Variants in MPO observed in about 807,000 individuals in gnomAD.
MPO encodes the protein myeloperoxidase.
Under a neutral mutation model 69.4 loss-of-function variants are expected in MPO, and 57 were observed. The ratio of observed to expected loss-of-function variants is 0.82; its 90% CI spans 0.66 to 1.02. MPO has a LOEUF of 1.02. Among genes scored for constraint, MPO ranks in the 50% least tolerant of loss-of-function variants. The probability of loss-of-function intolerance (pLI) is 0.00; values close to 1 mark genes in which losing one functional copy is unlikely to be tolerated. For missense variants in MPO, 971 were observed against 1,014.1 expected (o/e 0.96, Z 0.58); for synonymous variants, 426 against 417.1 (o/e 1.02, Z -0.26).
At chr17:58,277,734 G>T in intron 7 of MPO, 93 bp downstream of exon 7, 1 of 1,558,824 alleles carries the variant, frequency 6.4e-7, no homozygotes, top group Non-Finnish European at 8.7e-7. Flanking sequence ...GTCTCTCTAA[G>T]TACAAACCCA....
At position 58,275,154 on chromosome 17, in the gene MPO, C is replaced by T. The variant is rs568339449; in HGVS notation, c.1365+388G>A. On this transcript the variant is annotated intron_variant, in intron 8 of 11. Transcript: ENST00000225275. This position sits in a 1 kb window ranked among gnomAD's most constrained non-coding sequence, Gnocchi z 4.1. ...CTGGGATTACAGGCATGAGCCACCG[C>T]GCCCAGCCCTATAATTTTTTTAATT... Among the ~76,000 whole-genome samples the T allele has an allele frequency of 6.6e-6, 1 of 152,212 alleles. No homozygotes were observed. The highest frequency in any genetic ancestry group is 2.1e-4 in the South Asian group (1 of 4,826).
At position 58,280,787 on chromosome 17, in the gene MPO, C is replaced by T. The variant is rs1330717787; in HGVS notation, c.-29G>A. The T allele has an allele frequency of 4.3e-6, 7 of 1,613,470 alleles. No individual in the cohort carries two copies. The highest frequency in any genetic ancestry group is 5.9e-6 in the Non-Finnish European group (7 of 1,179,734). On this transcript the variant is annotated 5_prime_UTR_variant, in exon 1 of 12. Transcript: ENST00000225275. ...TCTTCTCCTGGGCTGCTCAATCCCC[C>T]TTTGTACCTCAGCCCCACCTCAGAG...
Position 58,270,650 on chromosome 17 carries a change from TG to T in MPO, c.*5del, listed in dbSNP as rs1970354240. The T allele has an allele frequency of 2.5e-6, 4 of 1,605,318 alleles. No individual in the cohort carries two copies. Among genetic ancestry groups the T allele is most frequent in the Non-Finnish European group, 3.4e-6 (4 of 1,175,540 alleles). ...CCCCTCACTGCTGCACCCCCTTACC[TG>T]GCCTCTAGGAGGCTTCCCTCCAGGA... On this transcript the variant is annotated 3_prime_UTR_variant, in exon 12 of 12. Coordinates refer to ENST00000225275, the MANE Select transcript of MPO (RefSeq NM_000250.2). The surrounding 1 kb of genome is among the most constrained non-coding windows in gnomAD (Gnocchi z 4.1).
chr17:58,270,612 C>T lies in MPO; in HGVS notation c.*44G>A. On this transcript the variant is annotated 3_prime_UTR_variant, in exon 12 of 12. Transcript: ENST00000225275. This position sits in a 1 kb window ranked among gnomAD's most constrained non-coding sequence, Gnocchi z 4.1. Reference sequence around the variant, plus strand: ...GGAGATCTCCGTGGTTCCAACTGGCCAGCCCAGATATACCCCTCACTGCTG... The same window carrying T: ...GGAGATCTCCGTGGTTCCAACTGGCTAGCCCAGATATACCCCTCACTGCTG... The T allele has an allele frequency of 1.3e-6, 2 of 1,526,174 alleles. No homozygotes were observed. Among genetic ancestry groups the T allele is most frequent in the Non-Finnish European group, 1.8e-6 (2 of 1,119,142 alleles). 94.5% of individuals were successfully genotyped at this position (1,526,174 alleles called of 1,614,324 possible). A position where few individuals can be genotyped will look rare whatever the true frequency, so the allele number is the denominator to read the frequency against.
chr17:58,271,128 C>T (rs932514222), intron 11 of MPO, among the ~76,000 whole-genome samples: 2 of 152,148 alleles, frequency 1.3e-5, no homozygotes, highest in Admixed American at 6.5e-5. Flanking sequence ...GAGGGGGACC[C>T]GGGCCCACAC....
At chr17:58,274,733 T>C (rs1484389309) in intron 8 of MPO, among the ~76,000 whole-genome samples, 1 of 152,002 alleles carries the variant, frequency 6.6e-6, no homozygotes, top group African/African-American at 2.4e-5. Flanking sequence ...GATGGGAGAA[T>C]GGCTTGAGCC....
chr17:58,274,157 G>T, intron 8 of MPO: 1 of 496,466 alleles, frequency 2.0e-6, no homozygotes, highest in East Asian at 5.7e-5. Context: ...GTGGAAAGCA[G>T]GGAGGCAGGA....
chr17:58,278,063 T>G lies in MPO; in HGVS notation c.968A>C (p.Asn323Thr), dbSNP rs200234386. The part of the protein sequence containing the change: ...FRSCPACPGS[N>T]ITIRNQINAL... ...GTTGATCTGGTTGCGGATGGTGATG[T>G]TGCTCCCGGGGCAAGCCGGGCAGGA... Residue 323 changes from asparagine (N) to threonine (T), a missense_variant, in exon 7 of 12, where the codon AAC becomes ACC. Transcript: ENST00000225275. 3.8e-5 allele frequency: 61 copies of G among 1,612,606 alleles called. No individual in the cohort carries two copies. Among genetic ancestry groups the G allele is most frequent in the Non-Finnish European group, 5.1e-5 (60 of 1,180,018 alleles).
chr17:58,280,111 G>C, intron 2 of MPO, 97 bp from the exon 3 acceptor site: 1 of 1,512,482 alleles, frequency 6.6e-7, no homozygotes, highest in Non-Finnish European at 9.1e-7. Context: ...CATGCAGGCA[G>C]GCCCACGGGT....
chr17:58,278,006 A>C lies in MPO; in HGVS notation c.1025T>G (p.Val342Gly). ...ALTSFVDASM[V>G]YGSEEPLARN... Reference sequence around the variant, plus strand: ...GGCCAGGGGCTCCTCGCTGCCGTACACCATGCTGGCGTCCACGAAGGAAGT... The same window carrying C: ...GGCCAGGGGCTCCTCGCTGCCGTACCCCATGCTGGCGTCCACGAAGGAAGT... Residue 342 changes from valine to glycine, a missense_variant, in exon 7 of 12, where the codon GTG becomes GGG. Physicochemically the swap from Val to Gly is moderately radical, Grantham distance 109 (BLOSUM62 -3). Transcript: ENST00000225275. 6.2e-7 allele frequency: 1 copy of C among 1,613,952 alleles called. No homozygotes were observed. The highest frequency in any genetic ancestry group is 8.5e-7 in the Non-Finnish European group (1 of 1,180,034).
rs375997518 is a variant in MPO at position 58,278,107 on chromosome 17, G to C, written c.924C>G (p.Asp308Glu). The C allele has an allele frequency of 1.1e-5, 18 of 1,605,744 alleles. No homozygotes were observed. Among genetic ancestry groups the C allele is most frequent in the African/African-American group, 5.3e-5 (4 of 74,936 alleles). ...PNDPRIKNQA[D>E]CIPFFRSCPA... ...GGCAGGAGCGGAAGAACGGGATGCA[G>C]TCGGCTTGGTTCTTGATGCGGGGGT... Residue 308 changes from aspartate to glutamate, a missense_variant, in exon 7 of 12, where the codon GAC becomes GAG. By Grantham distance (45) the Asp-to-Glu change is conservative. Transcript: ENST00000225275.
intron 11 of MPO, among the ~76,000 whole-genome samples, 190 bp downstream of exon 11, chr17:58,271,465 C>T (rs1970363484): frequency 6.6e-6 from 1 of 152,180 alleles, no homozygotes; most frequent in Non-Finnish European, 1.5e-5. Flanking sequence ...CCAGGTCTTT[C>T]CTTGCTGCAC....
chr17:58,278,271 G>A (rs1970464817), intron 6 of MPO, 126 bp from the exon 7 acceptor site: 5 of 1,069,752 alleles, frequency 4.7e-6, no homozygotes, highest in South Asian at 4.5e-5. Flanking sequence ...CCGGAGGCCC[G>A]AAAGGGATCG....
chr17:58,280,309 T>G, intron 2 of MPO, 57 bp downstream of exon 2: 1 of 1,570,366 alleles, frequency 6.4e-7, no homozygotes, highest in African/African-American at 1.3e-5. Context: ...TGCCTGCTGC[T>G]TCTCTGAAAG....
Position 58,275,476 on chromosome 17 carries a change from T to C in MPO, c.1365+66A>G. 1.2e-6 allele frequency: 2 copies of C among 1,607,080 alleles called. No homozygotes were observed. The highest frequency in any genetic ancestry group is 1.7e-6 in the Non-Finnish European group (2 of 1,174,626). On this transcript the variant is annotated intron_variant, in intron 8 of 11. Transcript: ENST00000225275. This position sits in a 1 kb window ranked among gnomAD's most constrained non-coding sequence, Gnocchi z 4.1. ...AGGAGCGTTAGGAACTTGCCCAAGG[T>C]CACACAGCTAGGATGTTGCAGGGAC... is the stretch of plus-strand genomic sequence containing the variant.
At chr17:58,272,682 T>G in intron 10 of MPO, 66 bp downstream of exon 10, 1 of 1,551,346 alleles carries the variant, frequency 6.4e-7, no homozygotes. Context: ...GGAAGGGGGG[T>G]GATGGGCTAC....
In MPO at chr17:58,275,699, TCC is replaced by T; in HGVS notation, c.1206_1207del (p.Asp403HisfsTer5). On this transcript the variant is annotated frameshift_variant and splice_region_variant, in exon 8 of 12. Transcript: ENST00000225275. LOFTEE classifies it high-confidence loss of function. This position sits in a 1 kb window ranked among gnomAD's most constrained non-coding sequence, Gnocchi z 4.1. ...CTCGGGCATCTCACTGGAACGGGTG[TCC>T]CCTTGGGGAGGCAAAAGCCACTGTC... 1 of 1,614,036 alleles carries T rather than the reference TCC, an allele frequency of 6.2e-7. No homozygotes were observed. Among genetic ancestry groups the T allele is most frequent in the Non-Finnish European group, 8.5e-7 (1 of 1,180,008 alleles).
Position 58,275,590 on chromosome 17 carries a change from C to G in MPO, c.1317G>C (p.Gly439=). 6.2e-7 allele frequency: 1 copy of G among 1,614,152 alleles called. No individual in the cohort carries two copies. Reference sequence around the variant, plus strand: ...TCCGGGCTTCCTGGTAGAGCCTCTCCCCATCCCACCTAGGGTTCAGGCTCT... The same window carrying G: ...TCCGGGCTTCCTGGTAGAGCCTCTCGCCATCCCACCTAGGGTTCAGGCTCT... The part of the protein sequence containing the change: ...ELKSLNPRWD[G]ERLYQEARKI... The change falls in exon 8 of 12, where the codon GGG becomes GGC. Residue 439 remains glycine (G), a synonymous_variant. Transcript: ENST00000225275. The surrounding 1 kb of genome is among the most constrained non-coding windows in gnomAD (Gnocchi z 4.1).
intron 4 of MPO, 44 bp downstream of exon 4, chr17:58,279,479 C>T (rs1970485009): frequency 1.2e-6 from 2 of 1,612,672 alleles, no homozygotes. Context: ...GTCCGGGACG[C>T]CTCTCTGAGC....
Sources: allele counts gnomAD v4.1 joint callset (sites outside exome capture counted in the v4.1 genomes callset), GRCh38; gene constraint gnomAD v4.1.1; non-coding constraint Gnocchi (gnomAD v3.1); transcripts MANE v1.5; gene names NCBI Gene and HGNC (gene_info 2026-07-23, HGNC 2026-07-21).